Variants in PRMT2 observed in about 807,000 individuals in gnomAD.
PRMT2 encodes the protein protein arginine methyltransferase 2.
PRMT2 carries 26 observed loss-of-function variants against 57.6 expected under a neutral mutation model. The observed-to-expected ratio is 0.45, with a 90% confidence interval of 0.33 to 0.63. The LOEUF (loss-of-function observed/expected upper bound fraction) is 0.63, where lower values mean the gene tolerates loss of function less well. Among genes scored for constraint, PRMT2 ranks in the 20% least tolerant of loss-of-function variants. PRMT2 has a pLI of 0.02. For missense variants in PRMT2, 472 were observed against 564.4 expected, an observed-to-expected ratio of 0.84 and a Z score of 1.66; for synonymous variants, 219 against 220.0, an observed-to-expected ratio of 1.00 and a Z score of 0.04.
chr21:46,661,731 G>T, intron 9 of PRMT2, 69 bp from the exon 10 acceptor site: 1 of 1,263,504 alleles, frequency 7.9e-7, no homozygotes, highest in Non-Finnish European at 1.0e-6. Context: ...GCGTGGAGGG[G>T]GCCGCCCCAA....
rs965837895 is a variant in PRMT2, at chr21:46,648,113, T to C, written c.328-345T>C. On this transcript the variant is annotated intron_variant, in intron 5 of 11. Transcript: ENST00000355680. The surrounding 1 kb of genome is among the most constrained non-coding windows in gnomAD (Gnocchi z 4.8). ...AATTTTGGGAGAGCTGACATCTTTA[T>C]AACATTGACTCTCAGTCTCTGATTA... is the stretch of plus-strand genomic sequence containing the variant. Among the ~76,000 whole-genome samples, 3 of 152,252 alleles carry C rather than the reference T, an allele frequency of 2.0e-5. No homozygotes were observed. The highest frequency in any genetic ancestry group is 4.4e-5 in the Non-Finnish European group (3 of 68,044).
At chr21:46,644,278 T>G in intron 4 of PRMT2, 28 bp from the exon 5 acceptor site, 12 of 1,593,842 alleles carry the variant, frequency 7.5e-6, no homozygotes, top group Non-Finnish European at 1.0e-5. Context: ...CTGGTTTTCT[T>G]ATTGAATTTT....
chr21:46,661,978 C>CGCGGAG, intron 10 of PRMT2, 42 bp downstream of exon 10: 3 of 281,232 alleles, frequency 1.1e-5, no homozygotes, highest in Non-Finnish European at 5.2e-6. Context: ...GGGTGGGGGG[C>CGCGGAG]AGGGGAGTAG....
In PRMT2 at chr21:46,648,725, C is replaced by T; in HGVS notation, c.489+106C>T. The T allele has an allele frequency of 2.1e-6, 3 of 1,402,166 alleles. No homozygotes were observed. Among genetic ancestry groups the T allele is most frequent in the Non-Finnish European group, 2.9e-6 (3 of 1,017,978 alleles). The allele number at this position is 1,402,166 out of a possible 1,614,324, so 86.9% of individuals were successfully genotyped here. A position where few individuals can be genotyped will look rare whatever the true frequency, so the allele number is the denominator to read the frequency against. On this transcript the variant is annotated intron_variant, in intron 6 of 11. Coordinates refer to ENST00000355680, the MANE Select transcript of PRMT2 (RefSeq NM_206962.4). This position sits in a 1 kb window ranked among gnomAD's most constrained non-coding sequence, Gnocchi z 4.8. ...GTGACCCTGAGCTGTTGGGGGCTCA[C>T]CGGTGACTCCATGGTCTTGTTGAGC...
chr21:46,659,054 A>G lies in PRMT2; in HGVS notation c.830+134A>G, dbSNP rs139327782. The stretch of plus-strand genomic sequence containing the variant: ...GGTACCTGTGCACCCAGATAGGACA[A>G]TCTGTTGTAGCATTGGAGTAATTAA... On this transcript the variant is annotated intron_variant, in intron 8 of 11. Coordinates refer to ENST00000355680, the MANE Select transcript of PRMT2 (RefSeq NM_206962.4). The G allele has an allele frequency of 3.1e-4, 450 of 1,444,902 alleles. 4 individuals carry two copies. The African/African-American group carries it at 5.4e-3, about 17-fold the overall frequency. 89.5% of individuals were successfully genotyped at this position (1,444,902 alleles called of 1,614,324 possible).
At chr21:46,650,006 G>A (rs2061425642) in intron 7 of PRMT2, 1 of 1,409,496 alleles carries the variant, frequency 7.1e-7, no homozygotes, top group African/African-American at 1.4e-5. Context: ...TCTCCTCGGG[G>A]ATCTGTAAAA....
At chr21:46,646,592 AGG>A (rs2061368859) in intron 5 of PRMT2, among the ~76,000 whole-genome samples, 1 of 152,250 alleles carries the variant, frequency 6.6e-6, no homozygotes, top group Non-Finnish European at 1.5e-5. Flanking sequence ...TTACTTTAAA[AGG>A]GTCCTGTTGA....
intron 2 of PRMT2, 117 bp downstream of exon 2, chr21:46,636,664 A>G (rs2061177022): frequency 5.1e-6 from 2 of 394,742 alleles, no homozygotes; most frequent in Non-Finnish European, 9.1e-6. Context: ...CAGCAAATGA[A>G]CAAGATTAAC....
intron 5 of PRMT2, 105 bp downstream of exon 5, chr21:46,644,593 G>A (rs2061333060): frequency 2.5e-6 from 3 of 1,202,746 alleles, no homozygotes; most frequent in Non-Finnish European, 3.4e-6. Context: ...ACAGGCCAGA[G>A]CTCCTCTGTT....
In PRMT2 at chr21:46,664,243, T is replaced by A. The variant is rs1186727800; in HGVS notation, c.1270-52T>A. The A allele has an allele frequency of 1.7e-5, 25 of 1,434,786 alleles. No homozygotes were observed. The East Asian group carries it at 5.2e-4, about 30-fold the overall frequency. 88.9% of individuals were successfully genotyped at this position (1,434,786 alleles called of 1,614,324 possible). On this transcript the variant is annotated intron_variant, in intron 11 of 11. Coordinates refer to ENST00000355680, the MANE Select transcript of PRMT2 (RefSeq NM_206962.4). ...TTAAACCATTAGGAAATGTAGTATG[T>A]TAATCAAATGATTTATCATCTGATT...
chr21:46,641,759 A>G (rs1400106949), intron 3 of PRMT2, among the ~76,000 whole-genome samples: 1 of 149,762 alleles, frequency 6.7e-6, no homozygotes. Context: ...ATACGTGTAC[A>G]CAGGGCTTTG....
chr21:46,653,275 A>G (rs1450743870), intron 7 of PRMT2: 1 of 985,298 alleles, frequency 1.0e-6, no homozygotes, highest in African/African-American at 1.7e-5. Flanking sequence ...TCCTGAGCTT[A>G]ACGAAAGTCT....
intron 8 of PRMT2, 113 bp downstream of exon 8, chr21:46,659,033 C>T (rs1248904808): frequency 1.4e-6 from 2 of 1,463,246 alleles, no homozygotes; most frequent in Non-Finnish European, 1.8e-6. Flanking sequence ...AATGAGGGTA[C>T]CTGTGCACCC....
At chr21:46,663,262 C>T in intron 10 of PRMT2, 121 bp from the exon 11 acceptor site, 2 of 947,406 alleles carry the variant, frequency 2.1e-6, no homozygotes, top group Non-Finnish European at 3.1e-6. Context: ...TCAGGGTGGA[C>T]TGCCGGCTGT....
At chr21:46,663,003 C>T (rs1481280636) in intron 10 of PRMT2, among the ~76,000 whole-genome samples, 1 of 152,138 alleles carries the variant, frequency 6.6e-6, no homozygotes, top group East Asian at 1.9e-4. Context: ...CGACACCACA[C>T]GGGACCTTTA....
At chr21:46,639,708 T>TTGTGTG (rs538598625) in intron 3 of PRMT2, among the ~76,000 whole-genome samples, 2 of 148,986 alleles carry the variant, frequency 1.3e-5, no homozygotes, top group African/African-American at 4.9e-5. Context: ...GTGTGTGTGT[T>TTGTGTG]TGTGTGTGTG....
At chr21:46,640,884 G>T (rs1183849389) in intron 3 of PRMT2, among the ~76,000 whole-genome samples, 1 of 151,080 alleles carries the variant, frequency 6.6e-6, no homozygotes, top group East Asian at 1.9e-4. Context: ...CTTCAGTTTG[G>T]AAAATTTCTG....
At chr21:46,659,229 TTC>T (rs1380772308) in intron 8 of PRMT2, 12 of 1,106,422 alleles carry the variant, frequency 1.1e-5, no homozygotes, top group Non-Finnish European at 1.3e-5. Context: ...TTAGCCCTTG[TTC>T]TCTCACGCCA....
chr21:46,662,517 G>A (rs1281897161), intron 10 of PRMT2, among the ~76,000 whole-genome samples: 2 of 152,196 alleles, frequency 1.3e-5, no homozygotes, highest in Non-Finnish European at 1.5e-5. Flanking sequence ...CCTGGCATGT[G>A]GTCCCCATCA....
Sources: allele counts gnomAD v4.1 joint callset (sites outside exome capture counted in the v4.1 genomes callset), GRCh38; gene constraint gnomAD v4.1.1; non-coding constraint Gnocchi (gnomAD v3.1); transcripts MANE v1.5; gene names NCBI Gene and HGNC (gene_info 2026-07-23, HGNC 2026-07-21).